Variants in FTCDNL1 observed in about 807,000 individuals in gnomAD.
FTCDNL1 encodes the protein formiminotransferase N-terminal subdomain-containing protein.
FTCDNL1 carries 11 observed loss-of-function variants against 5.9 expected under a neutral mutation model. The observed-to-expected ratio is 1.87, with a 90% CI of 1.18 to 3.10. The LOEUF is 3.10. FTCDNL1 is among the 30% of genes most tolerant of loss of function. The probability of loss-of-function intolerance (pLI) is 0.00; values close to 1 mark genes in which losing one functional copy is unlikely to be tolerated. For missense variants in FTCDNL1, 115 were observed against 65.5 expected (o/e 1.76, Z -2.61); for synonymous variants, 58 against 24.8 (o/e 2.34, Z -3.99).
the FTCDNL1 span, among the ~76,000 whole-genome samples, chr2:199,693,905 G>C: frequency 6.6e-6 from 1 of 152,182 alleles, no homozygotes; most frequent in African/African-American, 2.4e-5. Flanking sequence ...GGCTTCATCT[G>C]GGGATTGGAA....
chr2:199,735,115 G>GAAAAAAA, the FTCDNL1 span, among the ~76,000 whole-genome samples: 626 of 81,518 alleles, frequency 7.7e-3, 10 homozygotes, highest in South Asian at 0.02. Context: ...ACTACCTTTA[G>GAAAAAAA]AAAAAAAAAA....
intron 3 of FTCDNL1, among the ~76,000 whole-genome samples, chr2:199,782,262 T>C (rs1005631764): frequency 6.6e-6 from 1 of 152,216 alleles, no homozygotes; most frequent in Non-Finnish European, 1.5e-5. Flanking sequence ...TCAATGTCTG[T>C]CACACTTGGG....
the FTCDNL1 span, among the ~76,000 whole-genome samples, chr2:199,679,625 T>C: frequency 6.6e-6 from 1 of 150,430 alleles, no homozygotes; most frequent in African/African-American, 2.5e-5. Context: ...AACATAGACA[T>C]CTTTTTTTTT....
chr2:199,841,213 T>C (rs552209525), intron 3 of FTCDNL1, among the ~76,000 whole-genome samples: 1 of 151,464 alleles, frequency 6.6e-6, no homozygotes, highest in South Asian at 2.1e-4. Context: ...ATAGATCAAT[T>C]GTGAGTTTTT....
At chr2:199,808,609 C>G (rs1047965944), downstream of FTCDNL1, among the ~76,000 whole-genome samples, 1 of 152,172 alleles carries the variant, frequency 6.6e-6, no homozygotes, top group Non-Finnish European at 1.5e-5. Flanking sequence ...AATGCTGTGA[C>G]AGGAACCTGG....
the FTCDNL1 span, among the ~76,000 whole-genome samples, chr2:199,724,868 G>C: frequency 1.3e-5 from 2 of 151,954 alleles, no homozygotes; most frequent in African/African-American, 4.8e-5. Flanking sequence ...TGTTGTTTTT[G>C]GGTAGAGAGT....
At chr2:199,743,910 G>T in the FTCDNL1 span, among the ~76,000 whole-genome samples, 1 of 152,082 alleles carries the variant, frequency 6.6e-6, no homozygotes, top group African/African-American at 2.4e-5. Flanking sequence ...TATATAGCTT[G>T]CTTTTAAAAA....
At chr2:199,734,066 T>A in the FTCDNL1 span, among the ~76,000 whole-genome samples, 1 of 152,152 alleles carries the variant, frequency 6.6e-6, no homozygotes, top group African/African-American at 2.4e-5. Context: ...TGAAAAAATC[T>A]TCAAATAAGT....
chr2:199,665,930 A>G, the FTCDNL1 span, among the ~76,000 whole-genome samples: 2 of 151,968 alleles, frequency 1.3e-5, no homozygotes, highest in Non-Finnish European at 2.9e-5. Flanking sequence ...GCAAAACCCT[A>G]TTTTTTTCTA....
the FTCDNL1 span, among the ~76,000 whole-genome samples, chr2:199,682,154 T>C: frequency 2.0e-5 from 3 of 152,136 alleles, no homozygotes; most frequent in Admixed American, 2.0e-4. Context: ...TGTACATCAG[T>C]GGACTTAGAG....
chr2:199,743,769 A>G, the FTCDNL1 span, among the ~76,000 whole-genome samples: 1 of 152,106 alleles, frequency 6.6e-6, no homozygotes, highest in African/African-American at 2.4e-5. Flanking sequence ...CTAACACTAC[A>G]TTTCCAGAGT....
chr2:199,849,298 T>C (rs2076814195), intron 1 of FTCDNL1, among the ~76,000 whole-genome samples: 1 of 152,250 alleles, frequency 6.6e-6, no homozygotes, highest in South Asian at 2.1e-4. Flanking sequence ...CTTATCCCTG[T>C]TTTCAAGGTC....
At chr2:199,815,514 GA>G (rs575909476) in intron 4 of FTCDNL1, among the ~76,000 whole-genome samples, 24 of 151,484 alleles carry the variant, frequency 1.6e-4, no homozygotes, top group African/African-American at 5.1e-4. Context: ...TGGTGGGAGG[GA>G]AAAATATGTT....
downstream of FTCDNL1, among the ~76,000 whole-genome samples, chr2:199,807,187 G>A (rs1700772672): frequency 6.6e-6 from 1 of 152,174 alleles, no homozygotes; most frequent in African/African-American, 2.4e-5. Context: ...GCCAGTTCCT[G>A]CAGAGGAAGA....
chr2:199,680,694 A>T, the FTCDNL1 span, among the ~76,000 whole-genome samples: 961 of 152,320 alleles, frequency 6.3e-3, 12 homozygotes, highest in African/African-American at 0.022. Context: ...GCCGCATCAG[A>T]CACTCGCATG....
the FTCDNL1 span, among the ~76,000 whole-genome samples, chr2:199,723,342 G>T: frequency 1.1e-4 from 17 of 152,236 alleles, no homozygotes; most frequent in African/African-American, 3.9e-4. Context: ...GAGACAATTT[G>T]ACATCCTCTC....
downstream of FTCDNL1, among the ~76,000 whole-genome samples, chr2:199,759,578 C>T (rs1698189947): frequency 6.6e-6 from 1 of 152,036 alleles, no homozygotes; most frequent in Non-Finnish European, 1.5e-5. Flanking sequence ...ACTTAATAAA[C>T]CTAACCAAAG....
the FTCDNL1 span, among the ~76,000 whole-genome samples, chr2:199,712,893 C>T: frequency 6.6e-6 from 1 of 152,186 alleles, no homozygotes; most frequent in African/African-American, 2.4e-5. Flanking sequence ...ACCTTACCTT[C>T]ACTTCTTCCA....
chr2:199,741,713 C>T, the FTCDNL1 span, among the ~76,000 whole-genome samples: 3 of 152,106 alleles, frequency 2.0e-5, no homozygotes, highest in Non-Finnish European at 4.4e-5. Flanking sequence ...TGTTAACAAG[C>T]GCACTATAAG....
Sources: allele counts gnomAD v4.1 joint callset (sites outside exome capture counted in the v4.1 genomes callset), GRCh38; gene constraint gnomAD v4.1.1; transcripts MANE v1.5; gene names NCBI Gene and HGNC (gene_info 2026-07-23, HGNC 2026-07-21).